HAPLN2: variants seen among roughly 807,000 people sequenced by gnomAD.
HAPLN2 encodes brain link protein-1.
HAPLN2 carries 27 observed loss-of-function variants against 29.3 expected under a neutral mutation model. The ratio of observed to expected loss-of-function variants is 0.92; its 90% CI spans 0.68 to 1.27. The LOEUF is 1.27. Ranked by LOEUF, HAPLN2 falls within the 50% of genes most tolerant of loss-of-function variation. The probability of loss-of-function intolerance (pLI) is 0.00; values close to 1 mark genes in which losing one functional copy is unlikely to be tolerated. For synonymous variants in HAPLN2, 208 were observed against 211.7 expected, an observed-to-expected ratio of 0.98 and a Z score of 0.15; for missense variants, 454 against 484.3, an observed-to-expected ratio of 0.94 and a Z score of 0.59.
At position 156,624,136 on chromosome 1, in the gene HAPLN2, G is replaced by T. The variant is rs149573918; in HGVS notation, c.415G>T (p.Val139Leu). ...CATCAACGGCATCGAGGACGAGAGCGTGGCGCTGACCTTGAGCTTGGAGGG... is the reference window on the plus strand; with the variant it reads ...CATCAACGGCATCGAGGACGAGAGCTTGGCGCTGACCTTGAGCTTGGAGGG... ...ELINGIEDES[V>L]ALTLSLEGVV... The change falls in exon 4 of 7, where the codon GTG becomes TTG. Residue 139 changes from valine to leucine, a missense_variant. This residue lies in a region of HAPLN2 where 204 missense variants were observed against 209.2 expected (regional missense o/e 0.98). Transcript: ENST00000255039. 2.2e-3 allele frequency: 3,594 copies of T among 1,613,516 alleles called. 70 individuals carry two copies. The African/African-American group carries it at 0.043, about 19-fold the overall frequency.
the HAPLN2 span, among the ~76,000 whole-genome samples, chr1:156,602,978 T>A: frequency 5.3e-5 from 8 of 152,160 alleles, no homozygotes; most frequent in African/African-American, 1.9e-4. Context: ...TTGCCCTGTA[T>A]GTCATACCCA....
chr1:156,613,984 A>G, the HAPLN2 span, among the ~76,000 whole-genome samples: 1 of 152,028 alleles, frequency 6.6e-6, no homozygotes, highest in Non-Finnish European at 1.5e-5. Flanking sequence ...TGATATATAA[A>G]AAAATCCTCA....
At chr1:156,618,226 G>A (rs963261740), upstream of HAPLN2, among the ~76,000 whole-genome samples, 3 of 151,460 alleles carry the variant, frequency 2.0e-5, no homozygotes, top group East Asian at 1.9e-4. Context: ...GCTTGAACCC[G>A]GGAGGCAGAG....
chr1:156,624,909 G>GGGGGCCCCCCCCCCC, intron 6 of HAPLN2, 126 bp downstream of exon 6: 2 of 999,508 alleles, frequency 2.0e-6, no homozygotes, highest in Non-Finnish European at 2.8e-6. Context: ...CCCCCCATCA[G>GGGGGCCCCCCCCCCC]CCCGCCCGCC....
upstream of HAPLN2, chr1:156,615,346 TCCAAATAAAGCAC>T (rs1455660206): frequency 6.6e-6 from 1 of 152,078 alleles, no homozygotes; most frequent in Non-Finnish European, 1.5e-5. Context: ...TAGGAGAGCG[TCCAAATAAAGCAC>T]CAGGCTGAGT....
chr1:156,606,416 CTCTG>C, the HAPLN2 span, among the ~76,000 whole-genome samples: 1 of 118,600 alleles, frequency 8.4e-6, no homozygotes, highest in African/African-American at 3.4e-5. Context: ...CAGAGTGAGA[CTCTG>C]TCTAAAAAAA....
At position 156,624,331 on chromosome 1, in the gene HAPLN2, G is replaced by A. The variant is rs770830866; in HGVS notation, c.440-20G>A. The stretch of plus-strand genomic sequence containing the variant: ...CGCTCCCATCCGCTGGCCCTCCCCA[G>A]GATCCCCGCCACCCCCTAGGTGTGG... On this transcript the variant is annotated intron_variant, in intron 4 of 6. Coordinates refer to ENST00000255039, the MANE Select transcript of HAPLN2 (RefSeq NM_021817.3). 3 of 1,585,300 alleles carry A rather than the reference G, an allele frequency of 1.9e-6. No homozygotes were observed. Among genetic ancestry groups the A allele is most frequent in the Non-Finnish European group, 2.6e-6 (3 of 1,164,510 alleles).
chr1:156,617,786 G>A (rs1440504161), upstream of HAPLN2, among the ~76,000 whole-genome samples: 1 of 151,780 alleles, frequency 6.6e-6, no homozygotes, highest in African/African-American at 2.4e-5. Flanking sequence ...CTACATGGCT[G>A]TTTACAGGGG....
intron 2 of HAPLN2, among the ~76,000 whole-genome samples, chr1:156,621,410 A>AT (rs57563950): frequency 1.3e-3 from 185 of 146,430 alleles, no homozygotes; most frequent in Admixed American, 1.6e-3. Flanking sequence ...GCCCAGTCCA[A>AT]TTTTTTTTTT....
chr1:156,614,270 G>A, the HAPLN2 span, among the ~76,000 whole-genome samples: 2 of 151,496 alleles, frequency 1.3e-5, no homozygotes, highest in Admixed American at 6.6e-5. Flanking sequence ...CTGTCACCAG[G>A]CTGGAGTGCA....
At chr1:156,624,978 A>G (rs1381092041) in intron 6 of HAPLN2, 123 bp from the exon 7 acceptor site, 4 of 1,007,816 alleles carry the variant, frequency 4.0e-6, no homozygotes, top group Admixed American at 8.4e-5. Flanking sequence ...CGATCCCCCA[A>G]CTCCTCTTAC....
At chr1:156,614,372 G>T (rs1383527576), upstream of HAPLN2, among the ~76,000 whole-genome samples, 1 of 152,080 alleles carries the variant, frequency 6.6e-6, no homozygotes, top group East Asian at 1.9e-4. Flanking sequence ...TCACAGGCAC[G>T]CGCCACCACA....
intron 2 of HAPLN2, among the ~76,000 whole-genome samples, chr1:156,620,904 G>A (rs11264508): frequency 0.25 from 37,529 of 152,000 alleles, 4,866 homozygotes; most frequent in South Asian, 0.49. Flanking sequence ...AGCATTTTGC[G>A]TATATCAATT....
At position 156,623,037 on chromosome 1, in the gene HAPLN2, A is replaced by AAAAATAAAT. The variant is rs551908025; in HGVS notation, c.-24-427_-24-426insATAAATAAA. Among the ~76,000 whole-genome samples, 73 of 111,434 alleles carry AAAAATAAAT rather than the reference A, an allele frequency of 6.6e-4. 1 individual carries two copies. Among genetic ancestry groups the AAAAATAAAT allele is most frequent in the African/African-American group, 2.3e-3 (71 of 31,206 alleles). 73.1% of individuals were successfully genotyped at this position (111,434 alleles called of 152,430 possible). A position where few individuals can be genotyped will look rare whatever the true frequency, so the allele number is the denominator to read the frequency against. ...CCATGGAGCAACACTCTGTCTCAAAAAAATAAATAAATAAATAAATAAATA... is the reference window on the plus strand; with the variant it reads ...CCATGGAGCAACACTCTGTCTCAAAAAAAATAAATAAATAAATAAATAAATAAATAAATA... On this transcript the variant is annotated intron_variant, in intron 2 of 6. Transcript: ENST00000255039.
rs1054616926 is a variant in HAPLN2, at chr1:156,619,512, G to C, written c.-189G>C. On this transcript the variant is annotated 5_prime_UTR_variant, in exon 1 of 7. Coordinates refer to ENST00000255039, the MANE Select transcript of HAPLN2 (RefSeq NM_021817.3). ...GAAAGTCTGTTTGCAAAGGCAATGC[G>C]CACTCAGGCACCAGAGGGCAGAGGT... The C allele has an allele frequency of 1.3e-5, 2 of 152,234 alleles. No homozygotes were observed. Among genetic ancestry groups the C allele is most frequent in the Non-Finnish European group, 2.9e-5 (2 of 68,136 alleles). 9.4% of individuals were successfully genotyped at this position (152,234 alleles called of 1,614,324 possible).
intron 4 of HAPLN2, 61 bp from the exon 5 acceptor site, chr1:156,624,290 G>A (rs1198940258): frequency 3.3e-6 from 5 of 1,519,542 alleles, no homozygotes; most frequent in Middle Eastern, 1.9e-4. Flanking sequence ...AGGCCGCGCC[G>A]CCCTTCCTCC....
the HAPLN2 span, among the ~76,000 whole-genome samples, chr1:156,611,638 A>C: frequency 4.6e-5 from 7 of 152,182 alleles, no homozygotes; most frequent in Admixed American, 6.5e-5. Flanking sequence ...AACAAACAAA[A>C]AAACCAGGTG....
At chr1:156,624,212 G>T (rs747311207) in intron 4 of HAPLN2, 52 bp downstream of exon 4, 2 of 1,552,494 alleles carry the variant, frequency 1.3e-6, no homozygotes, top group Non-Finnish European at 1.7e-6. Context: ...GGTCCGCCTC[G>T]CCTGGGTCTC....
the HAPLN2 span, among the ~76,000 whole-genome samples, chr1:156,613,462 A>G: frequency 1.3e-5 from 2 of 152,244 alleles, no homozygotes; most frequent in African/African-American, 4.8e-5. Flanking sequence ...CAATTGGGCA[A>G]TAAAACCCTA....
Sources: gnomAD v4.1 joint callset for allele counts (sites outside exome capture counted in the v4.1 genomes callset) on GRCh38, gnomAD v4.1.1 for gene constraint, gnomAD v4.1.1 regional missense constraint, MANE v1.5 for transcripts, NCBI Gene and HGNC (gene_info 2026-07-23, HGNC 2026-07-21) for gene names.